The following FRMPD1 variants were observed in gnomAD, a reference collection of about 807,000 sequenced individuals.
FRMPD1 encodes FERM and PDZ domain-containing protein 1.
FRMPD1 carries 76 observed loss-of-function variants against 117.8 expected under a neutral mutation model. The ratio of observed to expected loss-of-function variants is 0.65; its 90% CI spans 0.54 to 0.78. The LOEUF (loss-of-function observed/expected upper bound fraction) is 0.78, where lower values mean the gene tolerates loss of function less well. Ranked by LOEUF, FRMPD1 falls within the 30% of genes least tolerant of loss-of-function variation. The probability of loss-of-function intolerance (pLI) is 0.00; values close to 1 mark genes in which losing one functional copy is unlikely to be tolerated. For synonymous variants in FRMPD1, 783 were observed against 770.4 expected (o/e 1.02, Z -0.27); for missense variants, 1,786 against 1,964.5 (o/e 0.91, Z 1.72).
chr9:37,687,168 C>T (rs2117986035), intron 1 of FRMPD1, among the ~76,000 whole-genome samples: 1 of 152,280 alleles, frequency 6.6e-6, no homozygotes, highest in East Asian at 1.9e-4. Flanking sequence ...AAACTCATTC[C>T]ATGCTGGGAT....
intron 1 of FRMPD1, among the ~76,000 whole-genome samples, chr9:37,651,336 T>G (rs1423165814): frequency 6.6e-6 from 1 of 152,122 alleles, no homozygotes; most frequent in Non-Finnish European, 1.5e-5. Flanking sequence ...TTCCGAGATC[T>G]GCATGGTGTA....
intron 14 of FRMPD1, among the ~76,000 whole-genome samples, chr9:37,737,483 T>A (rs1824187921): frequency 6.6e-6 from 1 of 152,196 alleles, no homozygotes; most frequent in Non-Finnish European, 1.5e-5. Flanking sequence ...GAGCTCTAGT[T>A]CCCTGCTGTA....
chr9:37,652,172 T>A (rs1338873974), intron 1 of FRMPD1, among the ~76,000 whole-genome samples: 4 of 151,910 alleles, frequency 2.6e-5, no homozygotes, highest in Non-Finnish European at 4.4e-5. Flanking sequence ...GAAAAAAAAA[T>A]AATGCACTGT....
the FRMPD1 span, among the ~76,000 whole-genome samples, chr9:37,625,205 T>G: frequency 6.6e-5 from 10 of 152,164 alleles, no homozygotes; most frequent in African/African-American, 2.2e-4. Flanking sequence ...GTTTGAAAGA[T>G]GAAAAACCCT....
intron 7 of FRMPD1, among the ~76,000 whole-genome samples, chr9:37,726,933 G>GTATGTA (rs2118338327): frequency 6.6e-6 from 1 of 152,252 alleles, no homozygotes; most frequent in Admixed American, 6.5e-5. Flanking sequence ...GGGGAGTGGA[G>GTATGTA]TGGTAGCATG....
At chr9:37,666,909 C>G (rs1821177327) in intron 1 of FRMPD1, among the ~76,000 whole-genome samples, 1 of 152,128 alleles carries the variant, frequency 6.6e-6, no homozygotes, top group Admixed American at 6.5e-5. Context: ...TTGATCCTTC[C>G]TCACTGAGGC....
In FRMPD1 at chr9:37,661,311, A is replaced by G. The variant is rs144954747; in HGVS notation, c.-5+10217A>G. On this transcript the variant is annotated intron_variant, in intron 1 of 15. Coordinates refer to ENST00000377765, the MANE Select transcript of FRMPD1 (RefSeq NM_014907.3). ...CATCAGGCCTGAGTTTACCAGTTGC[A>G]TGATCTGAGGCCCATTGTTTACTTG... is the stretch of plus-strand genomic sequence containing the variant. Among the ~76,000 whole-genome samples, 214 of 152,326 alleles carry G rather than the reference A, an allele frequency of 1.4e-3. 2 individuals carry two copies. Among genetic ancestry groups the G allele is most frequent in the African/African-American group, 4.9e-3 (204 of 41,568 alleles).
chr9:37,625,481 G>A, the FRMPD1 span, among the ~76,000 whole-genome samples: 8 of 152,124 alleles, frequency 5.3e-5, no homozygotes, highest in Non-Finnish European at 8.8e-5. Flanking sequence ...ATAGGTGGAC[G>A]CGCAGGAGTG....
chr9:37,744,872 G>A lies in FRMPD1; in HGVS notation c.2840G>A (p.Arg947Gln), dbSNP rs373579365. The change falls in exon 16 of 16, where the codon CGG becomes CAG. Residue 947 changes from arginine to glutamine, a missense_variant. Coordinates refer to ENST00000377765, the MANE Select transcript of FRMPD1 (RefSeq NM_014907.3). The stretch of plus-strand genomic sequence containing the variant: ...TCTTCTATTTCTGCCATTCGCTTCC[G>A]GATTGACCCCAACAATAAAGAGAAT... ...RVSSISAIRFRIDPNNKENSG... is the reference protein window; with the variant it reads ...RVSSISAIRFQIDPNNKENSG... 36 of 1,614,106 alleles carry A rather than the reference G, an allele frequency of 2.2e-5. No individual in the cohort carries two copies. In the Admixed American group the frequency reaches 2.3e-4, roughly 10 times the overall value.
chr9:37,731,648 G>C (rs1262060067), intron 9 of FRMPD1, among the ~76,000 whole-genome samples: 2 of 152,170 alleles, frequency 1.3e-5, no homozygotes, highest in Non-Finnish European at 2.9e-5. Context: ...GAGGCAGGTG[G>C]ACCACTTGAG....
chr9:37,672,964 G>T (rs980070969), intron 1 of FRMPD1, among the ~76,000 whole-genome samples: 2 of 152,122 alleles, frequency 1.3e-5, no homozygotes, highest in African/African-American at 4.8e-5. Context: ...TTTGAATGGG[G>T]ACACAGCCAA....
the FRMPD1 span, among the ~76,000 whole-genome samples, chr9:37,632,540 G>A: frequency 6.6e-6 from 1 of 151,950 alleles, no homozygotes; most frequent in African/African-American, 2.4e-5. Flanking sequence ...GGCTTTATTC[G>A]CAGGCAGGCT....
rs1824172795 is a variant in FRMPD1, at chr9:37,737,129, A to C, written c.1435A>C (p.Lys479Gln). 1.9e-6 allele frequency: 3 copies of C among 1,613,078 alleles called. No homozygotes were observed. The highest frequency in any genetic ancestry group is 2.5e-6 in the Non-Finnish European group (3 of 1,179,100). Residue 479 changes from lysine to glutamine, a missense_variant, in exon 14 of 16, where the codon AAA (lysine) becomes CAA (glutamine). By Grantham distance (53) the Lys-to-Gln change is moderately conservative (BLOSUM62 1). Coordinates refer to ENST00000377765, the MANE Select transcript of FRMPD1 (RefSeq NM_014907.3). ...LTLLLESNSA[K>Q]DLACLIAGYY... ...TTTGCTGCTGGAATCCAACAGTGCA[A>C]AAGACCTAGCCTGCCTGATTGCTGG...
intron 15 of FRMPD1, among the ~76,000 whole-genome samples, chr9:37,741,301 G>A (rs542099563): frequency 1.1e-4 from 17 of 152,148 alleles, no homozygotes; most frequent in African/African-American, 3.4e-4. Context: ...CAGACAGGCC[G>A]TCTGTGGCCC....
At chr9:37,733,421 A>G in intron 10 of FRMPD1, 52 bp from the exon 11 acceptor site, 1 of 1,567,234 alleles carries the variant, frequency 6.4e-7, no homozygotes, top group South Asian at 1.2e-5. Flanking sequence ...TCTTCATTAG[A>G]GCCAAGTACC....
intron 1 of FRMPD1, among the ~76,000 whole-genome samples, chr9:37,655,287 A>C (rs1287673301): frequency 6.6e-6 from 1 of 152,034 alleles, no homozygotes; most frequent in Non-Finnish European, 1.5e-5. Context: ...TCTCTCAAAT[A>C]TGCCCCCATC....
chr9:37,699,467 G>T (rs142582536), intron 2 of FRMPD1, among the ~76,000 whole-genome samples: 1 of 151,686 alleles, frequency 6.6e-6, no homozygotes. Flanking sequence ...TTACAGGCAT[G>T]CGCCACCACG....
Position 37,746,009 on chromosome 9 carries a change from C to T in FRMPD1, c.3977C>T (p.Ala1326Val), listed in dbSNP as rs1458566363. The part of the protein sequence containing the change: ...LGFAGMNEMV[A>V]PRIGMDQCSC... ...TTTGCAGGCATGAATGAGATGGTGG[C>T]TCCCAGGATAGGGATGGACCAGTGC... Residue 1326 changes from alanine to valine, a missense_variant, in exon 16 of 16, where the codon GCT becomes GTT. Transcript: ENST00000377765. The T allele has an allele frequency of 6.2e-7, 1 of 1,614,208 alleles. No homozygotes were observed. Among genetic ancestry groups the T allele is most frequent in the South Asian group, 1.1e-5 (1 of 91,092 alleles).
At chr9:37,705,218 A>T (rs952196769) in intron 2 of FRMPD1, among the ~76,000 whole-genome samples, 2 of 152,148 alleles carry the variant, frequency 1.3e-5, no homozygotes, top group African/African-American at 4.8e-5. Context: ...CAAAAAAAAA[A>T]TAATAAGGTG....
Sources: gnomAD v4.1 joint callset for allele counts (sites outside exome capture counted in the v4.1 genomes callset) on GRCh38, gnomAD v4.1.1 for gene constraint, MANE v1.5 for transcripts, NCBI Gene and HGNC (gene_info 2026-07-23, HGNC 2026-07-21) for gene names.